The following ITGB6 variants were observed in gnomAD, a reference collection of about 807,000 sequenced individuals.
ITGB6 encodes the protein integrin subunit beta 6, also known as integrin beta-6.
ITGB6 carries 80 observed loss-of-function variants against 84.5 expected under a neutral mutation model. The ratio of observed to expected loss-of-function variants is 0.95; its 90% CI spans 0.79 to 1.14. The LOEUF is 1.14. Among genes scored for constraint, ITGB6 ranks in the 50% most tolerant of loss-of-function variants. The pLI is 0.00. For synonymous variants in ITGB6, 383 were observed against 354.9 expected (o/e 1.08, Z -0.89); for missense variants, 1,006 against 968.0 (o/e 1.04, Z -0.52).
At position 160,100,739 on chromosome 2, in the gene ITGB6, GAA is replaced by G. The variant is rs1296756869; in HGVS notation, c.*995_*996del. 2.0e-5 allele frequency: 3 copies of G among 152,192 alleles called. No homozygotes were observed. Among genetic ancestry groups the G allele is most frequent in the African/African-American group, 4.8e-5 (2 of 41,446 alleles). The allele number at this position is 152,192 out of a possible 1,614,324, so 9.4% of individuals were successfully genotyped here. A position where few individuals can be genotyped will look rare whatever the true frequency, so the allele number is the denominator to read the frequency against. On this transcript the variant is annotated 3_prime_UTR_variant, in exon 15 of 15. Coordinates refer to ENST00000283249, the MANE Select transcript of ITGB6 (RefSeq NM_000888.5). ...TGTGCAAGTTGGGTTACATAGATGG[GAA>G]AAGAGTATGTATTAAAAAGCCTTTA... is the stretch of plus-strand genomic sequence containing the variant.
chr2:160,122,601 A>G (rs1314366971), intron 12 of ITGB6, among the ~76,000 whole-genome samples: 9 of 152,120 alleles, frequency 5.9e-5, no homozygotes, highest in Non-Finnish European at 1.3e-4. Flanking sequence ...GCTTTCATGT[A>G]TCTCGCCTTT....
chr2:160,155,349 C>A (rs1359317498), intron 7 of ITGB6, among the ~76,000 whole-genome samples: 3 of 152,126 alleles, frequency 2.0e-5, no homozygotes, highest in Non-Finnish European at 4.4e-5. Flanking sequence ...AGTTTTAAAG[C>A]AGTGAAACTA....
chr2:160,123,397 T>C (rs1559110900), intron 12 of ITGB6, among the ~76,000 whole-genome samples: 1 of 152,158 alleles, frequency 6.6e-6, no homozygotes, highest in Non-Finnish European at 1.5e-5. Context: ...ACAGTTGGCT[T>C]TATCTTATCT....
At chr2:160,164,967 T>C (rs1400573384) in intron 7 of ITGB6, among the ~76,000 whole-genome samples, 1 of 152,162 alleles carries the variant, frequency 6.6e-6, no homozygotes, top group Non-Finnish European at 1.5e-5. Flanking sequence ...CTAAGGGATG[T>C]TTTCATTAAT....
chr2:160,183,977 G>A (rs958246660), intron 4 of ITGB6, among the ~76,000 whole-genome samples: 10 of 152,208 alleles, frequency 6.6e-5, no homozygotes, highest in African/African-American at 2.2e-4. Context: ...CACAGCTAAA[G>A]CAGTGTTTAG....
chr2:160,187,008 CT>C (rs1160628845), intron 4 of ITGB6, among the ~76,000 whole-genome samples: 2 of 152,074 alleles, frequency 1.3e-5, no homozygotes, highest in Non-Finnish European at 2.9e-5. Context: ...GGAGAAATAC[CT>C]AACGTAGATG....
chr2:160,187,919 A>G (rs1246940099), intron 4 of ITGB6, among the ~76,000 whole-genome samples: 2 of 152,148 alleles, frequency 1.3e-5, no homozygotes, highest in Non-Finnish European at 1.5e-5. Flanking sequence ...CCTGAGATCT[A>G]AAAGTTTGAG....
At chr2:160,161,376 C>T (rs1323281193) in intron 7 of ITGB6, among the ~76,000 whole-genome samples, 2 of 152,124 alleles carry the variant, frequency 1.3e-5, no homozygotes, top group African/African-American at 4.8e-5. Flanking sequence ...CTGCAACCTC[C>T]GCCTCCCAGG....
intron 4 of ITGB6, among the ~76,000 whole-genome samples, chr2:160,181,216 C>A (rs901213332): frequency 2.6e-5 from 4 of 152,150 alleles, no homozygotes; most frequent in African/African-American, 7.2e-5. Context: ...TCTCATGGAG[C>A]CCAGCAAGCT....
intron 10 of ITGB6, among the ~76,000 whole-genome samples, chr2:160,132,133 T>TA (rs1367189615): frequency 1.6e-4 from 24 of 152,308 alleles, no homozygotes; most frequent in African/African-American, 5.8e-4. Context: ...CTGCCCAATA[T>TA]ATCCTCTCTG....
intron 12 of ITGB6, among the ~76,000 whole-genome samples, chr2:160,116,186 G>A (rs955429613): frequency 6.6e-6 from 1 of 151,600 alleles, no homozygotes; most frequent in Non-Finnish European, 1.5e-5. Context: ...TCCTCGAGAA[G>A]AGCAACTCCA....
At chr2:160,131,809 A>C (rs773791184) in intron 10 of ITGB6, among the ~76,000 whole-genome samples, 17 of 152,180 alleles carry the variant, frequency 1.1e-4, no homozygotes, top group Non-Finnish European at 2.1e-4. Flanking sequence ...CCTGATTCAA[A>C]AGAGACGCAC....
At chr2:160,158,143 G>A (rs74950250) in intron 7 of ITGB6, among the ~76,000 whole-genome samples, 4,053 of 152,252 alleles carry the variant, frequency 0.027, 74 homozygotes, top group South Asian at 0.076. Flanking sequence ...TCAGGCTTTC[G>A]ATTGTCAGCA....
chr2:160,188,687 T>G (rs1416234329), intron 4 of ITGB6, among the ~76,000 whole-genome samples: 1 of 151,908 alleles, frequency 6.6e-6, no homozygotes, highest in Non-Finnish European at 1.5e-5. Context: ...CACTGCAACC[T>G]CCGCCTCCCT....
In ITGB6 at chr2:160,137,687, G is replaced by A. The variant is rs376134860; in HGVS notation, c.1407C>T (p.His469=). The stretch of plus-strand genomic sequence containing the variant: ...CCCCACACTGGAAAGAGCCGTTCCC[G>A]TGGTGACATTTGGAGCTGTTCACTT... ...EVEVNSSKCH[H]GNGSFQCGVC... is the part of the protein sequence containing the mutation. Residue 469 remains histidine, a synonymous_variant, in exon 10 of 15, where the codon CAC becomes CAT. Coordinates refer to ENST00000283249, the MANE Select transcript of ITGB6 (RefSeq NM_000888.5). 3.8e-5 allele frequency: 61 copies of A among 1,614,042 alleles called. No homozygotes were observed. The highest frequency in any genetic ancestry group is 6.7e-5 in the Admixed American group (4 of 60,010).
intron 7 of ITGB6, among the ~76,000 whole-genome samples, chr2:160,147,130 G>A (rs1399208977): frequency 6.7e-6 from 1 of 150,000 alleles, no homozygotes; most frequent in African/African-American, 2.4e-5. Flanking sequence ...AGGAAAGAAG[G>A]AAGGAAGGAG....
chr2:160,133,516 G>T (rs2105811457), intron 10 of ITGB6, among the ~76,000 whole-genome samples: 1 of 152,202 alleles, frequency 6.6e-6, no homozygotes, highest in Middle Eastern at 3.4e-3. Flanking sequence ...AGTTAGCAAG[G>T]ATATCCAGGA....
chr2:160,178,772 A>G (rs1685544381), intron 4 of ITGB6: 1 of 142,274 alleles, frequency 7.0e-6, no homozygotes, highest in African/African-American at 2.7e-5. Context: ...ATCTCAGCTC[A>G]CTGCAACCTC....
chr2:160,155,994 G>T (rs1055541842), intron 7 of ITGB6, among the ~76,000 whole-genome samples: 1 of 152,188 alleles, frequency 6.6e-6, no homozygotes. Context: ...CTAGTTAGCA[G>T]TATCTACTAA....
Sources: allele counts gnomAD v4.1 joint callset (sites outside exome capture counted in the v4.1 genomes callset), GRCh38; gene constraint gnomAD v4.1.1; transcripts MANE v1.5; gene names NCBI Gene and HGNC (gene_info 2026-07-23, HGNC 2026-07-21).